Variants in DNM3 observed in about 807,000 individuals in gnomAD.
DNM3 encodes the protein dynamin 3.
DNM3 carries 47 observed loss-of-function variants against 101.6 expected under a neutral mutation model. That is an observed-to-expected ratio of 0.46 (90% CI 0.37 to 0.59). The LOEUF (loss-of-function observed/expected upper bound fraction) is 0.59. DNM3 is among the 20% of genes least tolerant of loss of function. The pLI is 0.00. For missense variants in DNM3, 849 were observed against 1,085.7 expected (o/e 0.78, Z 3.06); for synonymous variants, 385 against 387.9 (o/e 0.99, Z 0.09).
chr1:171,986,027 C>T (rs769227974), intron 2 of DNM3, among the ~76,000 whole-genome samples: 1 of 152,152 alleles, frequency 6.6e-6, no homozygotes, highest in Non-Finnish European at 1.5e-5. Context: ...ATTTTCCAAT[C>T]AGAGCTTTTT....
rs944010115 is a variant in DNM3 at position 172,411,684 on chromosome 1, A to G, written c.*3843A>G. 58 of 985,198 alleles carry G rather than the reference A, an allele frequency of 5.9e-5. No individual in the cohort carries two copies. Among genetic ancestry groups the G allele is most frequent in the Non-Finnish European group, 6.6e-5 (55 of 829,840 alleles). The allele number at this position is 985,198 out of a possible 1,614,324, so 61.0% of individuals were successfully genotyped here. On this transcript the variant is annotated 3_prime_UTR_variant, in exon 21 of 21. Coordinates refer to ENST00000627582, the MANE Select transcript of DNM3 (RefSeq NM_015569.5). Reference sequence around the variant, plus strand: ...AAACATTTTTCATTTGGCAAATGGCATAATTATTTGAAAGTGACAGGAATC... The same window carrying G: ...AAACATTTTTCATTTGGCAAATGGCGTAATTATTTGAAAGTGACAGGAATC...
At chr1:171,881,394 A>C (rs2036255472) in intron 1 of DNM3, among the ~76,000 whole-genome samples, 1 of 152,202 alleles carries the variant, frequency 6.6e-6, no homozygotes, top group South Asian at 2.1e-4. Context: ...GGAAATGGGC[A>C]ATGTATGATG....
chr1:171,985,867 A>G (rs2045214981), intron 2 of DNM3, among the ~76,000 whole-genome samples: 1 of 152,184 alleles, frequency 6.6e-6, no homozygotes, highest in African/African-American at 2.4e-5. Flanking sequence ...ACAAAGCAAG[A>G]TAAGGGTGTG....
At chr1:171,960,610 A>G (rs2043155064) in intron 2 of DNM3, among the ~76,000 whole-genome samples, 1 of 152,132 alleles carries the variant, frequency 6.6e-6, no homozygotes, top group Non-Finnish European at 1.5e-5. Context: ...GGTTATTATG[A>G]GGGTGGAACT....
At chr1:171,850,928 G>C (rs1436384851) in intron 1 of DNM3, among the ~76,000 whole-genome samples, 1 of 152,170 alleles carries the variant, frequency 6.6e-6, no homozygotes, top group Non-Finnish European at 1.5e-5. Context: ...GACTGGTAAG[G>C]TTCAACCACT....
intron 1 of DNM3, among the ~76,000 whole-genome samples, chr1:171,854,082 C>T (rs926545): frequency 0.6 from 91,370 of 152,038 alleles, 27,696 homozygotes; most frequent in East Asian, 0.8. Context: ...GTGAAAGACA[C>T]TGTTTTGGGA....
chr1:172,315,074 G>A (rs920539774), intron 16 of DNM3, among the ~76,000 whole-genome samples: 11 of 152,086 alleles, frequency 7.2e-5, no homozygotes, highest in Non-Finnish European at 1.0e-4. Flanking sequence ...AGCAGCATTC[G>A]CGGTTCATGA....
At chr1:172,204,582 A>G (rs772955997) in intron 14 of DNM3, among the ~76,000 whole-genome samples, 1 of 152,050 alleles carries the variant, frequency 6.6e-6, no homozygotes, top group Non-Finnish European at 1.5e-5. Context: ...GCTCTTCTGC[A>G]TGTTCTATCT....
At chr1:172,282,778 C>G (rs548578789) in intron 15 of DNM3, among the ~76,000 whole-genome samples, 5 of 152,188 alleles carry the variant, frequency 3.3e-5, no homozygotes, top group Non-Finnish European at 5.9e-5. Flanking sequence ...CCTTGTTTGT[C>G]AGTATAGTTC....
chr1:172,024,612 C>T (rs2048067724), intron 4 of DNM3, among the ~76,000 whole-genome samples: 1 of 152,196 alleles, frequency 6.6e-6, no homozygotes, highest in Non-Finnish European at 1.5e-5. Flanking sequence ...TGGCTCGTCT[C>T]ACTGGGACTG....
At chr1:172,199,069 G>A (rs940870134) in intron 14 of DNM3, among the ~76,000 whole-genome samples, 19 of 151,794 alleles carry the variant, frequency 1.3e-4, no homozygotes, top group Middle Eastern at 3.2e-3. Context: ...CCCTCTTAAC[G>A]CAGGCTTGGC....
Position 172,387,358 on chromosome 1 carries a change from A to G in DNM3, c.2284A>G (p.Arg762Gly). 1 of 1,612,342 alleles carries G rather than the reference A, an allele frequency of 6.2e-7. No individual in the cohort carries two copies. The highest frequency in any genetic ancestry group is 8.5e-7 in the Non-Finnish European group (1 of 1,179,198). Residue 762 changes from arginine (R) to glycine (G), a missense_variant and splice_region_variant, in exon 19 of 21, where the codon AGG (arginine) becomes GGG (glycine). Transcript: ENST00000627582. ...VDDSWIQHSR[R>G]SPPPSPTTQR... ...TGACTCCTGGATACAGCACTCTCGC[A>G]GGTAAGAAGATGGCCCCGGCCGGGT...
At chr1:171,853,962 T>C (rs2033283484) in intron 1 of DNM3, among the ~76,000 whole-genome samples, 1 of 152,224 alleles carries the variant, frequency 6.6e-6, no homozygotes, top group Admixed American at 6.5e-5. Context: ...ATCTTTTCTG[T>C]GTATGCAATG....
At chr1:172,388,968 G>A (rs1225103106) in intron 20 of DNM3, 159 bp downstream of exon 20, 1 of 651,392 alleles carries the variant, frequency 1.5e-6, no homozygotes, top group Non-Finnish European at 2.7e-6. Flanking sequence ...TGCCAACCCT[G>A]TTATGCCATT....
intron 14 of DNM3, among the ~76,000 whole-genome samples, chr1:172,217,946 A>T (rs1167945924): frequency 6.6e-6 from 1 of 152,298 alleles, no homozygotes; most frequent in East Asian, 1.9e-4. Context: ...ATAGTGAATA[A>T]CATTCTATAT....
At chr1:172,030,949 T>C (rs1357335394) in intron 4 of DNM3, among the ~76,000 whole-genome samples, 1 of 152,194 alleles carries the variant, frequency 6.6e-6, no homozygotes, top group Non-Finnish European at 1.5e-5. Flanking sequence ...TTGACACTGT[T>C]GGTGGGAGTG....
intron 10 of DNM3, among the ~76,000 whole-genome samples, chr1:172,061,772 G>C (rs141494769): frequency 6.6e-6 from 1 of 151,288 alleles, no homozygotes; most frequent in African/African-American, 2.4e-5. Flanking sequence ...TGGGTGCAGC[G>C]CACCAGCATG....
At chr1:172,273,550 C>T (rs899422902) in intron 15 of DNM3, among the ~76,000 whole-genome samples, 15 of 151,958 alleles carry the variant, frequency 9.9e-5, no homozygotes, top group African/African-American at 3.1e-4. Context: ...ATGAGGTTAA[C>T]AAAGATTATA....
At chr1:171,920,934 C>CT (rs1172788593) in intron 1 of DNM3, among the ~76,000 whole-genome samples, 1 of 151,538 alleles carries the variant, frequency 6.6e-6, no homozygotes, top group Non-Finnish European at 1.5e-5. Context: ...TTTATGTGTC[C>CT]TTTTTTTTAG....
Sources: allele counts gnomAD v4.1 joint callset (sites outside exome capture counted in the v4.1 genomes callset), GRCh38; gene constraint gnomAD v4.1.1; transcripts MANE v1.5; gene names NCBI Gene and HGNC (gene_info 2026-07-23, HGNC 2026-07-21).